Variants in EML1 observed in about 807,000 individuals in gnomAD.
EML1 encodes the protein EMAP like 1.
EML1 carries 27 observed loss-of-function variants against 110.4 expected under a neutral mutation model. The ratio of observed to expected loss-of-function variants is 0.24; its 90% confidence interval spans 0.18 to 0.34. The LOEUF is 0.34. Among genes scored for constraint, EML1 ranks in the 10% least tolerant of loss-of-function variants. The pLI is 1.00. For missense variants in EML1, 741 were observed against 1,030.9 expected, an observed-to-expected ratio of 0.72 and a Z score of 3.85; for synonymous variants, 344 against 385.8, an observed-to-expected ratio of 0.89 and a Z score of 1.27.
At chr14:99,868,528 G>A (rs2059140626) in intron 3 of EML1, among the ~76,000 whole-genome samples, 1 of 152,012 alleles carries the variant, frequency 6.6e-6, no homozygotes, top group African/African-American at 2.4e-5. Flanking sequence ...GCTTCTTTAT[G>A]ATTCAGTCCT....
intron 2 of EML1, among the ~76,000 whole-genome samples, chr14:99,853,914 G>A (rs72710005): frequency 0.23 from 34,484 of 152,098 alleles, 4,668 homozygotes; most frequent in Non-Finnish European, 0.3. Flanking sequence ...TAGGTGATCC[G>A]CCTGCCTCGG....
chr14:99,763,110 A>T (rs55713131), intron 1 of EML1, among the ~76,000 whole-genome samples: 9,824 of 152,156 alleles, frequency 0.065, 534 homozygotes, highest in African/African-American at 0.16. Flanking sequence ...GTTTCCCTGC[A>T]CAAACTCTCT....
chr14:99,915,863 A>G (rs1056109403), intron 15 of EML1, among the ~76,000 whole-genome samples: 5 of 152,066 alleles, frequency 3.3e-5, no homozygotes, highest in Non-Finnish European at 4.4e-5. Context: ...TTCATCCCCC[A>G]TAGAGTTACT....
At chr14:99,897,317 C>G in intron 7 of EML1, 23 bp downstream of exon 7, 1 of 1,566,906 alleles carries the variant, frequency 6.4e-7, no homozygotes, top group Non-Finnish European at 8.7e-7. Context: ...ACAGGTCATT[C>G]CTGCGACTCA....
chr14:99,835,912 A>G (rs1488447649), intron 1 of EML1, among the ~76,000 whole-genome samples: 2 of 152,194 alleles, frequency 1.3e-5, no homozygotes, highest in African/African-American at 4.8e-5. Flanking sequence ...TCTTTCACCA[A>G]TTACATGACG....
At chr14:99,897,691 A>C (rs575464960) in intron 7 of EML1, among the ~76,000 whole-genome samples, 75 of 152,308 alleles carry the variant, frequency 4.9e-4, no homozygotes, top group African/African-American at 1.7e-3. Context: ...TCATGTATTA[A>C]AGGCTTCTAA....
At chr14:99,932,572 G>T (rs1273154469) in intron 17 of EML1, among the ~76,000 whole-genome samples, 2 of 151,338 alleles carry the variant, frequency 1.3e-5, no homozygotes, top group African/African-American at 4.9e-5. Context: ...TCAGGAGGCA[G>T]AGGGGCAGAT....
chr14:99,934,782 C>T (rs1407450034), intron 17 of EML1, among the ~76,000 whole-genome samples: 1 of 152,210 alleles, frequency 6.6e-6, no homozygotes, highest in Non-Finnish European at 1.5e-5. Context: ...GGACTCACCT[C>T]CTGGCCGTGT....
At chr14:99,867,983 G>T (rs2059130308) in intron 3 of EML1, among the ~76,000 whole-genome samples, 1 of 152,108 alleles carries the variant, frequency 6.6e-6, no homozygotes, top group South Asian at 2.1e-4. Context: ...TTACATTGAG[G>T]TAGTTTCCTT....
intron 1 of EML1, among the ~76,000 whole-genome samples, chr14:99,835,316 A>G (rs4905900): frequency 0.68 from 103,420 of 152,018 alleles, 35,272 homozygotes; most frequent in Non-Finnish European, 0.7. Context: ...AGTAATGTCA[A>G]TTCTCTTATT....
At chr14:99,849,924 C>T (rs2058765537) in intron 1 of EML1, among the ~76,000 whole-genome samples, 1 of 149,858 alleles carries the variant, frequency 6.7e-6, no homozygotes, top group Admixed American at 6.6e-5. Context: ...TGCGCCACTG[C>T]GCTCCAGCCT....
At chr14:99,907,472 A>AAAAGAAAG in intron 9 of EML1, 166 bp from the exon 10 acceptor site, 1 of 649,216 alleles carries the variant, frequency 1.5e-6, no homozygotes, top group Non-Finnish European at 2.6e-6. Context: ...TGTCTCCAGA[A>AAAAGAAAG]AAAGAAAGAA....
rs2060546247 is a variant in EML1 at position 99,939,666 on chromosome 14, G to A, written c.2323-321G>A. On this transcript the variant is annotated intron_variant, in intron 21 of 21. Transcript: ENST00000262233. The surrounding 1 kb of genome is among the most constrained non-coding windows in gnomAD (Gnocchi z 4.2). ...CTTCATCCTCCGTGATCCTGACCCT[G>A]GAGACCCCTCACCCTCAGCCCCGGG... 6.6e-6 allele frequency among the ~76,000 whole-genome samples: 1 copy of A among 152,144 alleles called. No homozygotes were observed. Among genetic ancestry groups the A allele is most frequent in the African/African-American group, 2.4e-5 (1 of 41,442 alleles).
intron 1 of EML1, among the ~76,000 whole-genome samples, chr14:99,778,960 C>T (rs116401938): frequency 4.5e-4 from 69 of 152,244 alleles, no homozygotes; most frequent in African/African-American, 1.6e-3. Flanking sequence ...AGCTGATGGA[C>T]GTAACATTTG....
Position 99,810,279 on chromosome 14 carries a change from AT to A in EML1, c.67+16738del, listed in dbSNP as rs144564981. On this transcript the variant is annotated intron_variant, in intron 1 of 21. Coordinates refer to ENST00000262233, the MANE Select transcript of EML1 (RefSeq NM_004434.3). ...AGGGAGACTCTGTTGACTTTGCTAAATTCATGGGTTCCTTCCTTCCTTCATT... is the reference window on the plus strand; with the variant it reads ...AGGGAGACTCTGTTGACTTTGCTAAATCATGGGTTCCTTCCTTCCTTCATT... Among the ~76,000 whole-genome samples the A allele has an allele frequency of 4.8e-3, 734 of 152,312 alleles. 3 individuals are homozygous for A. Among genetic ancestry groups the A allele is most frequent in the African/African-American group, 0.017 (703 of 41,560 alleles).
chr14:99,919,752 C>T (rs905044803), intron 16 of EML1, among the ~76,000 whole-genome samples: 2 of 152,030 alleles, frequency 1.3e-5, no homozygotes, highest in African/African-American at 4.8e-5. Context: ...CTAATCAGCC[C>T]CAGCCTTTAT....
At chr14:99,807,072 C>T (rs141685523) in intron 1 of EML1, among the ~76,000 whole-genome samples, 252 of 152,168 alleles carry the variant, frequency 1.7e-3, no homozygotes, top group African/African-American at 3.9e-3. Context: ...ATGCCGTGAA[C>T]GCCTGATTGG....
chr14:99,800,542 T>G (rs1405294616), intron 1 of EML1, among the ~76,000 whole-genome samples: 1 of 152,066 alleles, frequency 6.6e-6, no homozygotes, highest in Non-Finnish European at 1.5e-5. Flanking sequence ...TTAAAAAAAT[T>G]TTTTAGAGAT....
At chr14:99,737,761 G>A (rs183347579) in exon 1 of EML1, 43,978 of 1,282,464 alleles carry the variant, frequency 0.034, 881 homozygotes, top group Non-Finnish European at 0.04. Flanking sequence ...GCCCTGCTGG[G>A]TGGGTGACAG....
Sources: gnomAD v4.1 joint callset for allele counts (sites outside exome capture counted in the v4.1 genomes callset) on GRCh38, gnomAD v4.1.1 for gene constraint, Gnocchi (gnomAD v3.1) non-coding constraint, MANE v1.5 for transcripts, NCBI Gene and HGNC (gene_info 2026-07-23, HGNC 2026-07-21) for gene names.